VPS4B: variants seen among roughly 807,000 people sequenced by gnomAD.
VPS4B encodes the protein vacuolar protein sorting-associated protein 4B.
In VPS4B, 23 loss-of-function variants were observed where a neutral mutation model predicts 56.1. That is an observed-to-expected ratio of 0.41 (90% CI 0.30 to 0.58). VPS4B has a LOEUF of 0.58. Among genes scored for constraint, VPS4B ranks in the 20% least tolerant of loss-of-function variants. The probability of loss-of-function intolerance (pLI) is 0.29; values close to 1 mark genes in which losing one functional copy is unlikely to be tolerated. For missense variants in VPS4B, 372 were observed against 531.9 expected (o/e 0.70, Z 2.96); for synonymous variants, 177 against 186.0 (o/e 0.95, Z 0.39).
chr18:63,415,422 C>G (rs1398123735), intron 1 of VPS4B: 1 of 284,224 alleles, frequency 3.5e-6, no homozygotes, highest in Non-Finnish European at 7.3e-6. Context: ...GCCGTTCCCT[C>G]AGGGCATATA....
At chr18:63,410,491 T>C (rs766252473) in intron 2 of VPS4B, 45 bp from the exon 3 acceptor site, 20 of 1,591,562 alleles carry the variant, frequency 1.3e-5, no homozygotes, top group Non-Finnish European at 1.4e-5. Context: ...TAGTATTCTA[T>C]GTAGAAAGGT....
chr18:63,411,633 G>C, intron 1 of VPS4B, 55 bp from the exon 2 acceptor site: 1 of 1,316,484 alleles, frequency 7.6e-7, no homozygotes, highest in South Asian at 1.7e-5. Context: ...ACATAAATTT[G>C]AAGTAAATAA....
intron 8 of VPS4B, among the ~76,000 whole-genome samples, chr18:63,397,651 C>T (rs1915700696): frequency 6.6e-6 from 1 of 152,174 alleles, no homozygotes; most frequent in Non-Finnish European, 1.5e-5. Context: ...AATTACCTCA[C>T]AATCTTATAG....
rs201583640 is a variant in VPS4B, at chr18:63,397,091, T to G, written c.1035A>C (p.Val345=). Residue 345 remains valine (V), a synonymous_variant, in exon 9 of 11, where the codon GTA becomes GTC. Coordinates refer to ENST00000238497, the MANE Select transcript of VPS4B (RefSeq NM_004869.4). ...TAACAGGCTGCATAAGGGCATCACG[T>G]ACAATGATACTTATATCTGCCCCTG... is the stretch of plus-strand genomic sequence containing the variant. ...GYSGADISII[V]RDALMQPVRK... The G allele has an allele frequency of 5.0e-6, 8 of 1,614,148 alleles. No homozygotes were observed. In the African/African-American group the frequency reaches 1.1e-4, roughly 22 times the overall value.
Position 63,390,658 on chromosome 18 carries a change from A to C in VPS4B, c.*317T>G, listed in dbSNP as rs1023053863. The C allele has an allele frequency of 6.1e-6, 1 of 164,930 alleles. No individual in the cohort carries two copies. Among genetic ancestry groups the C allele is most frequent in the Admixed American group, 6.3e-5 (1 of 15,862 alleles). The allele number at this position is 164,930 out of a possible 1,614,324, so 10.2% of individuals were successfully genotyped here. ...AAAAGAAAATATAAATGCTCTTTGC[A>C]AAGACCACCATTCATAAAAATTGTA... On this transcript the variant is annotated 3_prime_UTR_variant, in exon 11 of 11. Transcript: ENST00000238497.
At chr18:63,417,681 AT>A (rs143139577) in intron 1 of VPS4B, among the ~76,000 whole-genome samples, 5,416 of 151,390 alleles carry the variant, frequency 0.036, 100 homozygotes, top group African/African-American at 0.044. Flanking sequence ...TTTTTTTTTA[AT>A]TTATTGGCCT....
intron 9 of VPS4B, among the ~76,000 whole-genome samples, chr18:63,395,641 G>A (rs1915652698): frequency 6.6e-6 from 1 of 152,182 alleles, no homozygotes; most frequent in Non-Finnish European, 1.5e-5. Context: ...TACATTATGA[G>A]ATTAGGTTTG....
intron 8 of VPS4B, among the ~76,000 whole-genome samples, chr18:63,398,132 A>C (rs1019516954): frequency 6.6e-6 from 1 of 151,536 alleles, no homozygotes; most frequent in Admixed American, 6.6e-5. Context: ...TTCAACTTAA[A>C]AATTAGATAG....
chr18:63,409,392 T>C (rs1318590930), intron 3 of VPS4B, among the ~76,000 whole-genome samples: 1 of 152,204 alleles, frequency 6.6e-6, no homozygotes, highest in African/African-American at 2.4e-5. Context: ...CTAAATAACC[T>C]GCGCCACTGC....
intron 5 of VPS4B, among the ~76,000 whole-genome samples, chr18:63,402,550 G>T (rs777597720): frequency 5.9e-5 from 9 of 152,222 alleles, no homozygotes; most frequent in Non-Finnish European, 1.0e-4. Flanking sequence ...GTATATTTAT[G>T]CTATACTCTA....
chr18:63,403,675 C>T, intron 5 of VPS4B, 32 bp downstream of exon 5: 1 of 1,575,854 alleles, frequency 6.3e-7, no homozygotes, highest in Non-Finnish European at 8.6e-7. Context: ...TTTACAAACT[C>T]ATGAAATAAA....
intron 8 of VPS4B, 64 bp from the exon 9 acceptor site, chr18:63,397,317 C>T: frequency 1.4e-6 from 2 of 1,451,520 alleles, no homozygotes; most frequent in Non-Finnish European, 1.8e-6. Context: ...CAAGAAGAAA[C>T]AGATACTAAG....
chr18:63,407,630 C>T, intron 3 of VPS4B, 131 bp from the exon 4 acceptor site: 1 of 673,638 alleles, frequency 1.5e-6, no homozygotes, highest in Non-Finnish European at 2.4e-6. Flanking sequence ...AAAAGTTATG[C>T]TTACTTATTT....
At chr18:63,421,590 T>C (rs1024340711) in intron 1 of VPS4B, among the ~76,000 whole-genome samples, 2 of 152,330 alleles carry the variant, frequency 1.3e-5, no homozygotes, top group Admixed American at 6.5e-5. Flanking sequence ...GGACTAACGA[T>C]TAAGCCTAAA....
At chr18:63,397,331 A>T in intron 8 of VPS4B, 78 bp from the exon 9 acceptor site, 1 of 1,342,348 alleles carries the variant, frequency 7.4e-7, no homozygotes, top group Non-Finnish European at 1.0e-6. Flanking sequence ...TACTAAGTTA[A>T]GTGGGCCTGT....
At chr18:63,416,493 T>C (rs1162667821) in intron 1 of VPS4B, 1 of 152,332 alleles carries the variant, frequency 6.6e-6, no homozygotes, top group Non-Finnish European at 1.5e-5. Flanking sequence ...CCAGAGCTAA[T>C]TTTCTTTCTG....
rs889609154 is a variant in VPS4B at position 63,411,556 on chromosome 18, T to G, written c.50A>C (p.Lys17Thr). The G allele has an allele frequency of 6.3e-7, 1 of 1,597,130 alleles. No individual in the cohort carries two copies. The change falls in exon 2 of 11, where the codon AAA becomes ACA. Residue 17 changes from lysine (K) to threonine (T), a missense_variant. Coordinates refer to ENST00000238497, the MANE Select transcript of VPS4B (RefSeq NM_004869.4). ...NLQKAIDLAS[K>T]AAQEDKAGNY... ...CCCAGCCTTGTCTTCTTGCGCTGCT[T>G]TGCTAGCCAGATCTATCGCTTTCTG...
At chr18:63,411,621 A>G in intron 1 of VPS4B, 43 bp from the exon 2 acceptor site, 1 of 1,421,440 alleles carries the variant, frequency 7.0e-7, no homozygotes, top group Non-Finnish European at 9.4e-7. Context: ...ATCAAAGCAT[A>G]AACATAAATT....
chr18:63,402,258 T>C (rs2043894677), intron 5 of VPS4B, among the ~76,000 whole-genome samples: 1 of 119,024 alleles, frequency 8.4e-6, no homozygotes, highest in Non-Finnish European at 1.7e-5. Context: ...TTAATGTGTA[T>C]TGGAAAAACA....
Sources: gnomAD v4.1 joint callset for allele counts (sites outside exome capture counted in the v4.1 genomes callset) on GRCh38, gnomAD v4.1.1 for gene constraint, MANE v1.5 for transcripts, NCBI Gene and HGNC (gene_info 2026-07-23, HGNC 2026-07-21) for gene names.